The following PCDHGA4 variants were observed in gnomAD, a reference collection of about 807,000 sequenced individuals.
The protein encoded by PCDHGA4 is protocadherin gamma subfamily A, 4, also known as protocadherin gamma-A4.
PCDHGA4 carries 38 observed loss-of-function variants against 54.6 expected under a neutral mutation model. The ratio of observed to expected loss-of-function variants is 0.70; its 90% CI spans 0.54 to 0.91. PCDHGA4 has a LOEUF of 0.91. Among genes scored for constraint, PCDHGA4 ranks in the 40% least tolerant of loss-of-function variants. The pLI is 0.00. For missense variants in PCDHGA4, 1,298 were observed against 1,220.9 expected (o/e 1.06, Z -0.94); for synonymous variants, 511 against 512.9 (o/e 1.00, Z 0.05).
intron 1 of PCDHGA4, chr5:141,426,340 C>A: frequency 5.3e-6 from 1 of 190,288 alleles, no homozygotes; most frequent in Non-Finnish European, 1.1e-5. Flanking sequence ...AGCACTCTTC[C>A]CTTTCCTGCT....
intron 1 of PCDHGA4, among the ~76,000 whole-genome samples, chr5:141,359,306 G>A (rs1761168540): frequency 6.6e-6 from 1 of 152,084 alleles, no homozygotes; most frequent in African/African-American, 2.4e-5. Context: ...AGCATATTCA[G>A]GTGTTGGCAT....
intron 1 of PCDHGA4, among the ~76,000 whole-genome samples, chr5:141,446,022 T>C (rs2098484874): frequency 1.3e-5 from 2 of 152,198 alleles, no homozygotes; most frequent in Admixed American, 1.3e-4. Flanking sequence ...TATGGCAATA[T>C]TCCTGGTAAG....
chr5:141,365,052 T>TG, intron 1 of PCDHGA4: 1 of 1,613,872 alleles, frequency 6.2e-7, no homozygotes. Context: ...AATGCGCCCC[T>TG]GTTCACCCCA....
At chr5:141,500,866 A>C (rs576713520) in intron 2 of PCDHGA4, among the ~76,000 whole-genome samples, 1 of 146,112 alleles carries the variant, frequency 6.8e-6, no homozygotes, top group Non-Finnish European at 1.5e-5. Context: ...AAACATACAC[A>C]TTCATTTACA....
intron 1 of PCDHGA4, chr5:141,359,943 T>C (rs1020359100): frequency 6.0e-6 from 3 of 500,182 alleles, no homozygotes; most frequent in Non-Finnish European, 9.9e-6. Flanking sequence ...GCGTCGCTGT[T>C]GGTCAAAAGA....
At chr5:141,424,712 G>A (rs2096836283) in intron 1 of PCDHGA4, 1 of 152,126 alleles carries the variant, frequency 6.6e-6, no homozygotes, top group Non-Finnish European at 1.5e-5. Context: ...CATTTTCAGT[G>A]TAGTTGGGAG....
intron 1 of PCDHGA4, chr5:141,376,019 G>A (rs765198459): frequency 7.3e-5 from 117 of 1,613,176 alleles, no homozygotes; most frequent in African/African-American, 9.3e-5. Context: ...AGTGGTGGCC[G>A]TCCAGGACCA....
At chr5:141,450,565 C>T (rs1024229182) in intron 1 of PCDHGA4, among the ~76,000 whole-genome samples, 2 of 152,016 alleles carry the variant, frequency 1.3e-5, no homozygotes, top group Non-Finnish European at 2.9e-5. Context: ...CGGCTCACTG[C>T]AACTTCTGCC....
rs765887978 is a variant in PCDHGA4 at position 141,486,476 on chromosome 5, C to T, written c.2515-8331C>T. The T allele has an allele frequency of 8.7e-6, 14 of 1,613,934 alleles. No homozygotes were observed. The highest frequency in any genetic ancestry group is 1.7e-5 in the Admixed American group (1 of 60,016). ...TGCTTCTGATGCTGGGAACCCTCCT[C>T]TCAGTACCCACAGAACTATTTTCCT... On this transcript the variant is annotated intron_variant, in intron 1 of 3. Transcript: ENST00000571252. This position sits in a 1 kb window ranked among gnomAD's most constrained non-coding sequence, Gnocchi z 5.0.
In PCDHGA4 at chr5:141,355,533, A is replaced by C; in HGVS notation, c.426A>C (p.Glu142Asp). 6.2e-7 allele frequency: 1 copy of C among 1,614,070 alleles called. No homozygotes were observed. Among genetic ancestry groups the C allele is most frequent in the Non-Finnish European group, 8.5e-7 (1 of 1,179,900 alleles). The change falls in exon 1 of 4, where the codon GAA becomes GAC. Residue 142 changes from glutamate to aspartate, a missense_variant. Glu to Asp is a conservative substitution (Grantham distance 45). Transcript: ENST00000571252. ...TGACAAACCTGGAGATTCTTCTAGA[A>C]GATACAGTGAAGATTTTGCGGGTAG... ...NCVTNLEILL[E>D]DTVKILRVEV... is the part of the protein sequence containing the mutation.
rs747671382 is a variant in PCDHGA4 at position 141,444,152 on chromosome 5, A to ATTTTTT, written c.2515-50624_2515-50619dup. ...GATATGTGTCACTTGTGTGTACTGG[A>ATTTTTT]TTTTTTTTTTTTTTTTTTTTTTTTT... On this transcript the variant is annotated intron_variant, in intron 1 of 3. Coordinates refer to ENST00000571252, the MANE Select transcript of PCDHGA4 (RefSeq NM_018917.4). Among the ~76,000 whole-genome samples the ATTTTTT allele has an allele frequency of 3.5e-4, 12 of 33,898 alleles. 1 individual carries two copies. Among genetic ancestry groups the ATTTTTT allele is most frequent in the African/African-American group, 4.2e-4 (3 of 7,184 alleles). The allele number at this position is 33,898 out of a possible 152,430, so 22.2% of individuals were successfully genotyped here.
intron 1 of PCDHGA4, chr5:141,421,703 G>A: frequency 1.2e-6 from 2 of 1,613,946 alleles, no homozygotes; most frequent in Middle Eastern, 1.6e-4. Context: ...CCTAATGCTA[G>A]GGATCCAGAT....
At chr5:141,402,221 G>T (rs567791316) in intron 1 of PCDHGA4, among the ~76,000 whole-genome samples, 1 of 151,824 alleles carries the variant, frequency 6.6e-6, no homozygotes, top group East Asian at 1.9e-4. Flanking sequence ...TAAAATAAAC[G>T]TTTTTCCAGG....
rs1562137828 is a variant in PCDHGA4 at position 141,490,359 on chromosome 5, T to C, written c.2515-4448T>C. On this transcript the variant is annotated intron_variant, in intron 1 of 3. Transcript: ENST00000571252. This position sits in a 1 kb window ranked among gnomAD's most constrained non-coding sequence, Gnocchi z 5.4. ...TGGGCACAGTAGTGGGGTTGTTTAA[T>C]GTGCGAGACCGGGACTCAGGTAGAA... The C allele has an allele frequency of 1.9e-6, 3 of 1,614,212 alleles. No individual in the cohort carries two copies. The highest frequency in any genetic ancestry group is 2.5e-6 in the Non-Finnish European group (3 of 1,180,036).
chr5:141,458,292 T>C (rs2098941901), intron 1 of PCDHGA4, among the ~76,000 whole-genome samples: 1 of 152,146 alleles, frequency 6.6e-6, no homozygotes, highest in Admixed American at 6.5e-5. Flanking sequence ...GTCCTCATGC[T>C]GGTTTAGATA....
At chr5:141,427,327 C>T (rs2097016376) in intron 1 of PCDHGA4, 1 of 457,028 alleles carries the variant, frequency 2.2e-6, no homozygotes, top group African/African-American at 2.0e-5. Flanking sequence ...GTGGTTTTTA[C>T]TTCAGTGTCC....
At position 141,491,561 on chromosome 5, in the gene PCDHGA4, A is replaced by C. The variant is rs1289732955; in HGVS notation, c.2515-3246A>C. The C allele has an allele frequency of 1.2e-6, 2 of 1,613,938 alleles. No homozygotes were observed. Among genetic ancestry groups the C allele is most frequent in the Admixed American group, 3.3e-5 (2 of 60,016 alleles). On this transcript the variant is annotated intron_variant, in intron 1 of 3. Transcript: ENST00000571252. This position sits in a 1 kb window ranked among gnomAD's most constrained non-coding sequence, Gnocchi z 6.9. ...CCCACAGACTCGCAGAGCCACTGCT[A>C]CAGGACGTGCTTTTCACCGGCCTCG...
rs1452602466 is a variant in PCDHGA4 at position 141,481,941 on chromosome 5, C to A, written c.2515-12866C>A. Among the ~76,000 whole-genome samples, 4 of 146,990 alleles carry A rather than the reference C, an allele frequency of 2.7e-5. No individual in the cohort carries two copies. The Admixed American group carries it at 2.7e-4, about 10-fold the overall frequency. On this transcript the variant is annotated intron_variant, in intron 1 of 3. Coordinates refer to ENST00000571252, the MANE Select transcript of PCDHGA4 (RefSeq NM_018917.4). ...AAAAAAAAAAAAAAAAAAAATCAGC[C>A]AGATGTGGTGGCAGGTGCCTGTAGT...
rs11952292 is a variant in PCDHGA4 at position 141,491,682 on chromosome 5, G to T, written c.2515-3125G>T. The T allele has an allele frequency of 0.072, 115,891 of 1,613,112 alleles. 4,572 individuals carry two copies. The highest frequency in any genetic ancestry group is 0.11 in the South Asian group (9,996 of 91,042). ...ACGCCATCCGGTCCCGCTCTAATAC[G>T]CTGCGGGAGCGGAGCCAGGTGAGGG... On this transcript the variant is annotated intron_variant, in intron 1 of 3. Coordinates refer to ENST00000571252, the MANE Select transcript of PCDHGA4 (RefSeq NM_018917.4). The surrounding 1 kb of genome is among the most constrained non-coding windows in gnomAD (Gnocchi z 6.9).
Sources: allele counts gnomAD v4.1 joint callset (sites outside exome capture counted in the v4.1 genomes callset), GRCh38; gene constraint gnomAD v4.1.1; non-coding constraint Gnocchi (gnomAD v3.1); transcripts MANE v1.5; gene names NCBI Gene and HGNC (gene_info 2026-07-23, HGNC 2026-07-21).